CHST15: variants seen among roughly 807,000 people sequenced by gnomAD.
CHST15 encodes the protein B cell RAG associated protein (GALNAC4S-6ST).
In CHST15, 30 loss-of-function variants were observed where a neutral mutation model predicts 53.6. That is an observed-to-expected ratio of 0.56 (90% CI 0.42 to 0.76). The LOEUF is 0.76. Ranked by LOEUF, CHST15 falls within the 30% of genes least tolerant of loss-of-function variation. The pLI, the probability that CHST15 is intolerant of heterozygous loss-of-function variation, is 0.00. For synonymous variants in CHST15, 296 were observed against 289.8 expected, an observed-to-expected ratio of 1.02 and a Z score of -0.22; for missense variants, 627 against 740.5, an observed-to-expected ratio of 0.85 and a Z score of 1.78.
At chr10:124,038,481 C>G in intron 5 of CHST15, 34 bp downstream of exon 5, 1 of 1,603,908 alleles carries the variant, frequency 6.2e-7, no homozygotes, top group South Asian at 1.1e-5. Context: ...AGTTCCTCTT[C>G]TCACCCCAAA....
chr10:124,011,386 A>G, intron 7 of CHST15: 1 of 984,504 alleles, frequency 1.0e-6, no homozygotes, highest in Non-Finnish European at 1.2e-6. Flanking sequence ...AGATGATTCT[A>G]AGCCTTGGAA....
At chr10:124,047,380 T>C (rs940983483) in intron 1 of CHST15, among the ~76,000 whole-genome samples, 9 of 152,236 alleles carry the variant, frequency 5.9e-5, no homozygotes, top group African/African-American at 1.9e-4. Context: ...ATCCAATGTA[T>C]AGGATTCCCT....
Position 124,008,336 on chromosome 10 carries a change from C to T in CHST15, c.*1813G>A, listed in dbSNP as rs540662656. On this transcript the variant is annotated 3_prime_UTR_variant, in exon 8 of 8. Coordinates refer to ENST00000435907, the MANE Select transcript of CHST15 (RefSeq NM_001270764.2). ...CACTCAGAAGACGCACTCACCCACA[C>T]GTGCGCGTACACACACACACACGCG... The T allele has an allele frequency of 1.7e-4, 183 of 1,077,238 alleles. No homozygotes were observed. The highest frequency in any genetic ancestry group is 3.6e-4 in the East Asian group (6 of 16,778). The allele number at this position is 1,077,238 out of a possible 1,614,324, so 66.7% of individuals were successfully genotyped here.
At position 124,044,605 on chromosome 10, in the gene CHST15, T is replaced by C. The variant is rs1947886216; in HGVS notation, c.861A>G (p.Pro287=). The C allele has an allele frequency of 1.9e-6, 3 of 1,567,742 alleles. No individual in the cohort carries two copies. Among genetic ancestry groups the C allele is most frequent in the East Asian group, 4.7e-5 (2 of 42,442 alleles). The change falls in exon 3 of 8, where the codon CCA becomes CCG. Residue 287 remains proline, a synonymous_variant. Transcript: ENST00000435907. The stretch of plus-strand genomic sequence containing the variant: ...CAAAGCGCTTCCGGGTCCACCAGTG[T>C]GGCTCCTTGATGGCGGAGAACTTGA... ...PEVKFSAIKE[P]HWWTRKRFGI... is the part of the protein sequence containing the mutation.
chr10:124,043,322 T>A (rs985480864), intron 3 of CHST15, among the ~76,000 whole-genome samples: 2 of 152,192 alleles, frequency 1.3e-5, no homozygotes, highest in Non-Finnish European at 2.9e-5. Flanking sequence ...GGGAGTGTGT[T>A]CAGACACGTC....
intron 1 of CHST15, among the ~76,000 whole-genome samples, chr10:124,072,122 A>T (rs1270540257): frequency 6.6e-6 from 1 of 152,156 alleles, no homozygotes; most frequent in African/African-American, 2.4e-5. Context: ...CCTGCCCCCG[A>T]TTTACTGAAT....
At chr10:124,092,080 T>A (rs1284738562) in intron 1 of CHST15, among the ~76,000 whole-genome samples, 4 of 151,476 alleles carry the variant, frequency 2.6e-5, no homozygotes, top group African/African-American at 7.2e-5. Context: ...GGCTCTTCAT[T>A]CATTTTCCCA....
At chr10:124,031,160 C>A (rs567192479) in intron 5 of CHST15, among the ~76,000 whole-genome samples, 7 of 152,346 alleles carry the variant, frequency 4.6e-5, no homozygotes, top group Non-Finnish European at 1.0e-4. Context: ...CCAGAGATAG[C>A]TCTGAGGGGC....
At position 124,008,880 on chromosome 10, in the gene CHST15, G is replaced by A. The variant is rs888943005; in HGVS notation, c.*1269C>T. The A allele has an allele frequency of 1.1e-5, 14 of 1,276,558 alleles. No homozygotes were observed. The highest frequency in any genetic ancestry group is 5.0e-5 in the South Asian group (4 of 80,458). 79.1% of individuals were successfully genotyped at this position (1,276,558 alleles called of 1,614,324 possible). A position where few individuals can be genotyped will look rare whatever the true frequency, so the allele number is the denominator to read the frequency against. ...ATCTTCCCTGTGACTTCCAAGAAAC[G>A]ACAAGATCTCTAGCCCATCCATCGG... On this transcript the variant is annotated 3_prime_UTR_variant, in exon 8 of 8. Coordinates refer to ENST00000435907, the MANE Select transcript of CHST15 (RefSeq NM_001270764.2).
In CHST15 at chr10:124,009,323, A is replaced by G. The variant is rs1946349133; in HGVS notation, c.*826T>C. On this transcript the variant is annotated 3_prime_UTR_variant, in exon 8 of 8. Transcript: ENST00000435907. ...TTCTTGAGAAAACGTATGAAGAGGC[A>G]GCAGAGAGAGAGCCAGGACTGGTTA... 9.3e-7 allele frequency: 1 copy of G among 1,080,976 alleles called. No individual in the cohort carries two copies. Among genetic ancestry groups the G allele is most frequent in the Non-Finnish European group, 1.1e-6 (1 of 882,592 alleles). The allele number at this position is 1,080,976 out of a possible 1,614,324, so 67.0% of individuals were successfully genotyped here. A position where few individuals can be genotyped will look rare whatever the true frequency, so the allele number is the denominator to read the frequency against.
intron 1 of CHST15, among the ~76,000 whole-genome samples, chr10:124,059,613 A>C (rs1388982035): frequency 6.6e-6 from 1 of 152,120 alleles, no homozygotes; most frequent in Non-Finnish European, 1.5e-5. Context: ...CGGGCAGAGG[A>C]GAAAGGTCTC....
intron 1 of CHST15, among the ~76,000 whole-genome samples, chr10:124,089,443 C>T (rs1288058190): frequency 6.6e-6 from 1 of 151,984 alleles, no homozygotes; most frequent in African/African-American, 2.4e-5. Context: ...TGACAGCTGC[C>T]AATTACAGGG....
chr10:124,075,710 G>T (rs1370896221), intron 1 of CHST15, among the ~76,000 whole-genome samples: 7 of 152,098 alleles, frequency 4.6e-5, no homozygotes, highest in Admixed American at 4.6e-4. Flanking sequence ...GCTTTCCTTG[G>T]TTAGAACCTC....
In CHST15 at chr10:124,088,367, G is replaced by A. The variant is rs116588048; in HGVS notation, c.-513+5102C>T. On this transcript the variant is annotated intron_variant, in intron 1 of 7. Transcript: ENST00000435907. ...GCTCTGTGCTGAGCGCTGGCTCTCT[G>A]CCCCCATGCACCTGGCCCAGGGTTG... 5.6e-3 allele frequency among the ~76,000 whole-genome samples: 848 copies of A among 152,296 alleles called. 4 individuals are homozygous for A. Among genetic ancestry groups the A allele is most frequent in the African/African-American group, 0.019 (801 of 41,564 alleles).
At position 124,070,679 on chromosome 10, in the gene CHST15, A is replaced by G. The variant is rs545566974; in HGVS notation, c.-513+22790T>C. ...AGTGAGCCATTGTGCCCGGCCCTCA[A>G]TAAAGATTATTAAAGCCCTACTCTA... is the stretch of plus-strand genomic sequence containing the variant. On this transcript the variant is annotated intron_variant, in intron 1 of 7. Coordinates refer to ENST00000435907, the MANE Select transcript of CHST15 (RefSeq NM_001270764.2). Among the ~76,000 whole-genome samples, 231 of 152,264 alleles carry G rather than the reference A, an allele frequency of 1.5e-3. 1 individual carries two copies. The highest frequency in any genetic ancestry group is 5.2e-3 in the African/African-American group (216 of 41,556).
rs1554903205 is a variant in CHST15 at position 124,021,246 on chromosome 10, G to GGC, written c.1347+9_1347+10insGC. 1.2e-4 allele frequency: 186 copies of GGC among 1,562,380 alleles called. No individual in the cohort carries two copies. In the East Asian group the frequency reaches 1.9e-3, roughly 16 times the overall value. On this transcript the variant is annotated intron_variant, in intron 6 of 7. Transcript: ENST00000435907. Reference sequence around the variant, plus strand: ...CCAGCTCGGGGGGTACGGGGGGGGGGGGTACACACAGGCATGGCGTTGTTG... The same window carrying GGC: ...CCAGCTCGGGGGGTACGGGGGGGGGGGCGGTACACACAGGCATGGCGTTGTTG...
chr10:124,029,038 G>A (rs192169689), intron 5 of CHST15, among the ~76,000 whole-genome samples: 6 of 152,348 alleles, frequency 3.9e-5, no homozygotes, highest in African/African-American at 9.6e-5. Flanking sequence ...CTGTGGCCAC[G>A]TGAGGGTTGT....
intron 6 of CHST15, chr10:124,020,797 C>T (rs999422982): frequency 1.8e-5 from 20 of 1,130,570 alleles, no homozygotes; most frequent in African/African-American, 1.4e-4. Flanking sequence ...ACAAGAGATA[C>T]GATTGAGGAA....
chr10:124,069,748 G>A (rs961318392), intron 1 of CHST15, among the ~76,000 whole-genome samples: 1 of 152,256 alleles, frequency 6.6e-6, no homozygotes, highest in South Asian at 2.1e-4. Context: ...GCCAGCCTGA[G>A]CCTGGACCTT....
Sources: gnomAD v4.1 joint callset for allele counts (sites outside exome capture counted in the v4.1 genomes callset) on GRCh38, gnomAD v4.1.1 for gene constraint, MANE v1.5 for transcripts, NCBI Gene and HGNC (gene_info 2026-07-23, HGNC 2026-07-21) for gene names.